The following RBFOX1 variants were observed in gnomAD, a reference collection of about 807,000 sequenced individuals.
RBFOX1 encodes the protein RNA binding fox-1 homolog 1.
A neutral mutation model predicts 57.7 loss-of-function variants in RBFOX1; 8 were observed. That is an observed-to-expected ratio of 0.14 (90% confidence interval 0.08 to 0.25). The LOEUF (loss-of-function observed/expected upper bound fraction) is 0.25, where lower values mean the gene tolerates loss of function less well. RBFOX1 is among the 10% of genes least tolerant of loss of function. The pLI, the probability that RBFOX1 is intolerant of heterozygous loss-of-function variation, is 1.00. For missense variants in RBFOX1, 611 were observed against 548.5 expected, an observed-to-expected ratio of 1.11 and a Z score of -1.14; for synonymous variants, 326 against 222.4, an observed-to-expected ratio of 1.47 and a Z score of -4.15.
intron 1 of RBFOX1, among the ~76,000 whole-genome samples, chr16:5,434,235 A>T (rs539904734): frequency 1.3e-5 from 2 of 151,456 alleles, no homozygotes; most frequent in Non-Finnish European, 2.9e-5. Context: ...GCCTTAGCAA[A>T]ATGAGGCCTT....
intron 5 of RBFOX1, among the ~76,000 whole-genome samples, chr16:7,550,253 T>G (rs75273126): frequency 4.6e-4 from 1 of 2,186 alleles, no homozygotes; most frequent in African/African-American, 8.5e-4. Context: ...TCCAGAGTCT[T>G]TTTTTTTTTT....
intron 2 of RBFOX1, among the ~76,000 whole-genome samples, chr16:6,635,505 G>A (rs1341466395): frequency 6.6e-6 from 1 of 152,120 alleles, no homozygotes; most frequent in Non-Finnish European, 1.5e-5. Flanking sequence ...TGGGCGAACA[G>A]AGGGAAAGTG....
intron 1 of RBFOX1, among the ~76,000 whole-genome samples, chr16:6,268,381 TC>T (rs147623259): frequency 0.02 from 3,049 of 152,254 alleles, 77 homozygotes; most frequent in African/African-American, 0.06. Flanking sequence ...ACCCTAACTG[TC>T]TTGGTATGAA....
At chr16:6,123,809 G>A (rs2096568938) in intron 1 of RBFOX1, among the ~76,000 whole-genome samples, 1 of 152,174 alleles carries the variant, frequency 6.6e-6, no homozygotes, top group African/African-American at 2.4e-5. Flanking sequence ...GGAGGCTGAG[G>A]TCCAGGGATG....
intron 3 of RBFOX1, chr16:5,632,691 G>T (rs1400334939): frequency 6.6e-6 from 1 of 152,158 alleles, no homozygotes; most frequent in Admixed American, 6.5e-5. Context: ...ATATTGGGAA[G>T]GTTTAATACA....
intron 4 of RBFOX1, among the ~76,000 whole-genome samples, chr16:5,892,540 A>C (rs1180745874): frequency 2.0e-5 from 3 of 152,222 alleles, no homozygotes; most frequent in Admixed American, 2.0e-4. Flanking sequence ...GAAGGAGGTC[A>C]TAAAGCAATG....
intron 10 of RBFOX1, among the ~76,000 whole-genome samples, chr16:7,616,290 C>T (rs187478513): frequency 1.3e-3 from 191 of 152,318 alleles, no homozygotes; most frequent in African/African-American, 3.5e-3. Flanking sequence ...GTCCTCTCAC[C>T]GTGCAGTCAC....
At chr16:6,113,071 C>T (rs907533319) in intron 1 of RBFOX1, among the ~76,000 whole-genome samples, 69 of 152,288 alleles carry the variant, frequency 4.5e-4, no homozygotes, top group African/African-American at 1.6e-3. Flanking sequence ...ACTTTGCTTA[C>T]TCCTGAGTCT....
In RBFOX1 at chr16:7,350,757, G is replaced by C. The variant is rs377360668; in HGVS notation, c.28-167390G>C. ...CCCTAAAAAGAGGGCCCGTTTCAGG[G>C]ATGTGGGGTAACAGAAAAATCACAG... On this transcript the variant is annotated intron_variant, in intron 4 of 15. Coordinates refer to ENST00000550418, the MANE Select transcript of RBFOX1 (RefSeq NM_018723.4). 1.1e-4 allele frequency among the ~76,000 whole-genome samples: 16 copies of C among 152,268 alleles called. No individual in the cohort carries two copies. The South Asian group carries it at 3.1e-3, about 30-fold the overall frequency.
chr16:7,676,989 G>A (rs542223174), intron 14 of RBFOX1, 151 bp downstream of exon 14: 1 of 700,524 alleles, frequency 1.4e-6, no homozygotes, highest in African/African-American at 1.7e-5. Flanking sequence ...GTGAACTCAA[G>A]TCCCCATAGA....
At chr16:7,017,878 G>T (rs75157198) in intron 3 of RBFOX1, among the ~76,000 whole-genome samples, 3 of 152,040 alleles carry the variant, frequency 2.0e-5, no homozygotes, top group African/African-American at 7.2e-5. Flanking sequence ...GAGTCTTCGA[G>T]GCTTAGCAAC....
intron 2 of RBFOX1, among the ~76,000 whole-genome samples, chr16:6,554,493 G>C (rs1003415375): frequency 1.3e-5 from 2 of 152,144 alleles, no homozygotes; most frequent in African/African-American, 4.8e-5. Context: ...TATACTGAAA[G>C]CTACTGAATC....
At chr16:6,463,080 A>C (rs575719354) in intron 2 of RBFOX1, among the ~76,000 whole-genome samples, 1 of 151,708 alleles carries the variant, frequency 6.6e-6, no homozygotes, top group Admixed American at 6.6e-5. Context: ...TAATAACTTA[A>C]GGAGCTATCC....
chr16:6,237,320 A>C (rs992820794), intron 1 of RBFOX1, among the ~76,000 whole-genome samples: 15 of 152,230 alleles, frequency 9.9e-5, no homozygotes, highest in African/African-American at 3.4e-4. Flanking sequence ...CTGTGGAAGA[A>C]GTTTGAGAGG....
At chr16:7,129,253 C>T (rs927997458) in intron 4 of RBFOX1, among the ~76,000 whole-genome samples, 1 of 152,026 alleles carries the variant, frequency 6.6e-6, no homozygotes, top group Non-Finnish European at 1.5e-5. Context: ...TGGATAGTAA[C>T]CCCACAATTG....
At chr16:6,860,952 A>G (rs1039490160) in intron 3 of RBFOX1, among the ~76,000 whole-genome samples, 1 of 152,186 alleles carries the variant, frequency 6.6e-6, no homozygotes, top group Non-Finnish European at 1.5e-5. Context: ...CTTGGGGTCT[A>G]TGCATATATG....
chr16:5,451,938 G>A (rs1228470373), intron 1 of RBFOX1, among the ~76,000 whole-genome samples: 8 of 152,002 alleles, frequency 5.3e-5, no homozygotes. Context: ...CAGCTGTATG[G>A]CTGTCTCTCT....
chr16:6,787,409 A>G (rs60264901), intron 3 of RBFOX1, among the ~76,000 whole-genome samples: 26,463 of 152,158 alleles, frequency 0.17, 2,950 homozygotes, highest in African/African-American at 0.28. Flanking sequence ...AATAGCAACA[A>G]TGCCGTGTGA....
chr16:6,794,397 G>C (rs1446836417), intron 3 of RBFOX1, among the ~76,000 whole-genome samples: 3 of 151,222 alleles, frequency 2.0e-5, no homozygotes, highest in Non-Finnish European at 2.9e-5. Flanking sequence ...AAAAAAAATG[G>C]GGTTTAATTA....
Sources: gnomAD v4.1 joint callset for allele counts (sites outside exome capture counted in the v4.1 genomes callset) on GRCh38, gnomAD v4.1.1 for gene constraint, MANE v1.5 for transcripts, NCBI Gene and HGNC (gene_info 2026-07-23, HGNC 2026-07-21) for gene names.